EHBP1: variants seen among roughly 807,000 people sequenced by gnomAD.
The protein encoded by EHBP1 is EH domain binding protein 1.
A neutral mutation model predicts 144.0 loss-of-function variants in EHBP1; 55 were observed. That is an observed-to-expected ratio of 0.38 (90% CI 0.31 to 0.48). EHBP1 has a LOEUF of 0.48. Ranked by LOEUF, EHBP1 falls within the 20% of genes least tolerant of loss-of-function variation. EHBP1 has a pLI of 0.98. For missense variants in EHBP1, 1,200 were observed against 1,364.2 expected (o/e 0.88, Z 1.90); for synonymous variants, 469 against 472.7 (o/e 0.99, Z 0.10).
chr2:62,698,465 A>G (rs2034175465), intron 1 of EHBP1, among the ~76,000 whole-genome samples: 1 of 152,186 alleles, frequency 6.6e-6, no homozygotes, highest in African/African-American at 2.4e-5. Context: ...TTCAGGGATA[A>G]AATATTGTGA....
At chr2:63,026,352 GTAT>G (rs2060982712) in intron 19 of EHBP1, among the ~76,000 whole-genome samples, 1 of 148,746 alleles carries the variant, frequency 6.7e-6, no homozygotes, top group Non-Finnish European at 1.5e-5. Flanking sequence ...GTGTCTGTGT[GTAT>G]AGAGAGTGAG....
At chr2:62,973,900 G>A (rs1191580120) in intron 14 of EHBP1, among the ~76,000 whole-genome samples, 2 of 152,112 alleles carry the variant, frequency 1.3e-5, no homozygotes, top group African/African-American at 4.8e-5. Flanking sequence ...TCGGGGTGGT[G>A]GCAGGGCTGA....
chr2:62,700,786 T>G (rs1017620790), upstream of EHBP1, among the ~76,000 whole-genome samples: 1 of 152,176 alleles, frequency 6.6e-6, no homozygotes, highest in Non-Finnish European at 1.5e-5. Flanking sequence ...TAGTTCCAAG[T>G]GGCTCATGGC....
At chr2:62,807,632 C>G (rs2044623687) in intron 5 of EHBP1, among the ~76,000 whole-genome samples, 1 of 152,178 alleles carries the variant, frequency 6.6e-6, no homozygotes, top group African/African-American at 2.4e-5. Flanking sequence ...ATAGATTTTA[C>G]TTTCTAACCT....
At chr2:62,789,514 G>A (rs1373597067) in intron 5 of EHBP1, among the ~76,000 whole-genome samples, 2 of 152,068 alleles carry the variant, frequency 1.3e-5, no homozygotes, top group African/African-American at 4.8e-5. Context: ...TATAAAGGAC[G>A]GTTAGTGCCT....
chr2:63,020,273 G>A (rs540998075), intron 19 of EHBP1, among the ~76,000 whole-genome samples: 6 of 132,652 alleles, frequency 4.5e-5, no homozygotes, highest in South Asian at 2.4e-4. Flanking sequence ...GCAGTGAGCC[G>A]AAATCATGCC....
intron 8 of EHBP1, among the ~76,000 whole-genome samples, chr2:62,862,251 A>T (rs2049623416): frequency 6.6e-6 from 1 of 152,134 alleles, no homozygotes; most frequent in Non-Finnish European, 1.5e-5. Context: ...TGTTCTTTTC[A>T]ACATAAAGAC....
intron 14 of EHBP1, among the ~76,000 whole-genome samples, chr2:62,967,873 T>G (rs964419166): frequency 1.3e-5 from 2 of 152,032 alleles, no homozygotes; most frequent in Admixed American, 1.3e-4. Context: ...ATAATATTAC[T>G]TCTTTTTTTT....
chr2:62,697,669 C>A (rs1354404900), intron 1 of EHBP1, among the ~76,000 whole-genome samples: 2 of 152,052 alleles, frequency 1.3e-5, no homozygotes, highest in African/African-American at 4.8e-5. Context: ...AATGCTTTGA[C>A]CTTAATAATT....
intron 1 of EHBP1, among the ~76,000 whole-genome samples, chr2:62,698,400 T>TC (rs775735037): frequency 2.0e-4 from 30 of 152,224 alleles, no homozygotes; most frequent in Non-Finnish European, 3.7e-4. Flanking sequence ...CAAGGGGCTC[T>TC]CTCAATATAG....
At chr2:62,793,687 G>A (rs965352397) in intron 5 of EHBP1, among the ~76,000 whole-genome samples, 7 of 152,102 alleles carry the variant, frequency 4.6e-5, no homozygotes, top group Non-Finnish European at 7.4e-5. Context: ...GTCTAAATTG[G>A]CAGTGATTCT....
intron 19 of EHBP1, among the ~76,000 whole-genome samples, chr2:63,021,784 T>A (rs558916066): frequency 1.3e-4 from 19 of 151,860 alleles, no homozygotes; most frequent in African/African-American, 4.1e-4. Flanking sequence ...TTTTTTTTTT[T>A]AAAACGGAGT....
chr2:63,014,170 A>T (rs1329434030), intron 19 of EHBP1, among the ~76,000 whole-genome samples: 2 of 152,244 alleles, frequency 1.3e-5, no homozygotes, highest in Non-Finnish European at 2.9e-5. Flanking sequence ...CCTGTTGAGT[A>T]CAAGTGCTAA....
chr2:63,032,321 C>T (rs2061285799), intron 19 of EHBP1, among the ~76,000 whole-genome samples: 1 of 150,688 alleles, frequency 6.6e-6, no homozygotes, highest in Non-Finnish European at 1.5e-5. Flanking sequence ...GTAATCCCAG[C>T]GTTTTGGGAG....
At chr2:62,979,671 A>T (rs527372080) in intron 15 of EHBP1, among the ~76,000 whole-genome samples, 2 of 152,360 alleles carry the variant, frequency 1.3e-5, no homozygotes, top group East Asian at 3.9e-4. Context: ...TAACATCTAA[A>T]TCAGCACAAT....
At chr2:62,749,743 G>C (rs2039499679) in intron 3 of EHBP1, among the ~76,000 whole-genome samples, 1 of 152,130 alleles carries the variant, frequency 6.6e-6, no homozygotes, top group African/African-American at 2.4e-5. Context: ...GTGATGATGA[G>C]CATTTTTTCA....
chr2:62,931,502 A>T (rs572572685), intron 10 of EHBP1, among the ~76,000 whole-genome samples: 2 of 152,364 alleles, frequency 1.3e-5, no homozygotes, highest in East Asian at 3.9e-4. Context: ...TTAAAAATAG[A>T]GTTACCATAT....
intron 10 of EHBP1, among the ~76,000 whole-genome samples, chr2:62,935,581 A>G (rs898913262): frequency 6.6e-6 from 1 of 151,942 alleles, no homozygotes; most frequent in Non-Finnish European, 1.5e-5. Flanking sequence ...AAATTCTCTT[A>G]TTAATTCTAA....
chr2:62,700,900 T>A (rs1197145928), upstream of EHBP1, among the ~76,000 whole-genome samples: 1 of 152,176 alleles, frequency 6.6e-6, no homozygotes. Flanking sequence ...TTTTTTCTTC[T>A]CTTAAGGGTC....
Sources: allele counts gnomAD v4.1 joint callset (sites outside exome capture counted in the v4.1 genomes callset), GRCh38; gene constraint gnomAD v4.1.1; transcripts MANE v1.5; gene names NCBI Gene and HGNC (gene_info 2026-07-23, HGNC 2026-07-21).